SCMH1: variants seen among roughly 807,000 people sequenced by gnomAD.
SCMH1 encodes the protein polycomb protein SCMH1.
SCMH1 carries 37 observed loss-of-function variants against 70.8 expected under a neutral mutation model. The observed-to-expected ratio is 0.52, with a 90% CI of 0.40 to 0.69. The LOEUF is 0.69. SCMH1 is among the 30% of genes least tolerant of loss of function. The pLI, the probability that SCMH1 is intolerant of heterozygous loss-of-function variation, is 0.00. For synonymous variants in SCMH1, 292 were observed against 307.4 expected (o/e 0.95, Z 0.52); for missense variants, 607 against 827.3 (o/e 0.73, Z 3.27).
intron 2 of SCMH1, among the ~76,000 whole-genome samples, chr1:41,171,919 C>T (rs1344306005): frequency 1.3e-5 from 2 of 152,098 alleles, no homozygotes; most frequent in African/African-American, 2.4e-5. Context: ...TGGCTGGGCG[C>T]GGTGGCTCAC....
chr1:41,154,381 A>G (rs1275811706), intron 4 of SCMH1, among the ~76,000 whole-genome samples: 4 of 152,224 alleles, frequency 2.6e-5, no homozygotes. Context: ...TTCTACAGCT[A>G]ACTATCTTGG....
rs1457111539 is a variant in SCMH1, at chr1:41,110,656, T to C, written c.745+2627A>G. ...TTTATTGCCAATTAGTATTTTGTCC[T>C]CTAGCTATACCACATTTTATTTATC... On this transcript the variant is annotated intron_variant, in intron 8 of 14. Coordinates refer to ENST00000337495, the Ensembl canonical transcript of SCMH1. Among the ~76,000 whole-genome samples, 5 of 152,264 alleles carry C rather than the reference T, an allele frequency of 3.3e-5. No homozygotes were observed. In the East Asian group the frequency reaches 9.6e-4, roughly 29 times the overall value.
chr1:41,139,077 C>G (rs1392343998), intron 6 of SCMH1, among the ~76,000 whole-genome samples: 4 of 152,100 alleles, frequency 2.6e-5, no homozygotes, highest in African/African-American at 9.7e-5. Context: ...CCCCTGCTGT[C>G]TTTTTTTCCC....
At chr1:41,240,773 T>TA (rs1416306789) in intron 1 of SCMH1, among the ~76,000 whole-genome samples, 3 of 149,936 alleles carry the variant, frequency 2.0e-5, no homozygotes, top group African/African-American at 7.4e-5. Context: ...AAGTTCAAAA[T>TA]ACAGTACAGA....
chr1:41,162,120 G>A (rs940248618), intron 2 of SCMH1, among the ~76,000 whole-genome samples: 14 of 152,024 alleles, frequency 9.2e-5, no homozygotes, highest in Non-Finnish European at 1.5e-4. Context: ...GAGCCCTGCC[G>A]TGACGGGCAC....
intron 2 of SCMH1, among the ~76,000 whole-genome samples, chr1:41,170,685 A>G (rs76721897): frequency 0.059 from 9,025 of 152,218 alleles, 359 homozygotes; most frequent in South Asian, 0.11. Flanking sequence ...CTCCTATTAT[A>G]TCCCTCTATT....
intron 5 of SCMH1, among the ~76,000 whole-genome samples, chr1:41,144,852 T>C (rs1644409332): frequency 6.6e-6 from 1 of 152,198 alleles, no homozygotes; most frequent in African/African-American, 2.4e-5. Context: ...TAATGACTAC[T>C]GAGTATCTTT....
chr1:41,062,851 G>C (rs1201102964), intron 10 of SCMH1, among the ~76,000 whole-genome samples: 2 of 151,034 alleles, frequency 1.3e-5, no homozygotes, highest in African/African-American at 4.9e-5. Context: ...GGTGGGAGGT[G>C]GAGGTTGCAG....
intron 1 of SCMH1, among the ~76,000 whole-genome samples, chr1:41,209,168 A>C (rs2148783428): frequency 6.6e-6 from 1 of 152,374 alleles, no homozygotes; most frequent in Middle Eastern, 3.4e-3. Context: ...TAAACCAGGA[A>C]GAAGTTGAAT....
intron 1 of SCMH1, among the ~76,000 whole-genome samples, chr1:41,209,602 C>A (rs1656497145): frequency 6.6e-6 from 1 of 152,330 alleles, no homozygotes; most frequent in Non-Finnish European, 1.5e-5. Flanking sequence ...ATAAACAGAA[C>A]CATCGACAAA....
At chr1:41,033,991 C>T (rs543254781) in intron 13 of SCMH1, 19 of 1,614,004 alleles carry the variant, frequency 1.2e-5, no homozygotes, top group African/African-American at 9.3e-5. Context: ...ACCTGGGGAA[C>T]GATTTAGTTT....
chr1:41,176,285 C>T (rs1346451042), intron 2 of SCMH1, among the ~76,000 whole-genome samples: 1 of 151,886 alleles, frequency 6.6e-6, no homozygotes, highest in African/African-American at 2.4e-5. Context: ...CCAAGATGGC[C>T]GAATAGGAAC....
chr1:41,159,957 T>A, intron 4 of SCMH1: 1 of 537,648 alleles, frequency 1.9e-6, no homozygotes, highest in Non-Finnish European at 2.9e-6. Flanking sequence ...AGAATGGGAT[T>A]ATTATCCCCA....
At chr1:41,223,391 A>T (rs2148862173) in intron 1 of SCMH1, among the ~76,000 whole-genome samples, 1 of 152,312 alleles carries the variant, frequency 6.6e-6, no homozygotes, top group Non-Finnish European at 1.5e-5. Context: ...ATTCCCTGAC[A>T]ATAAATATGT....
intron 1 of SCMH1, among the ~76,000 whole-genome samples, chr1:41,238,598 T>C (rs1662861613): frequency 6.6e-6 from 1 of 152,080 alleles, no homozygotes; most frequent in South Asian, 2.1e-4. Flanking sequence ...CTTCCCCACA[T>C]CCCATCATCC....
chr1:41,227,958 C>T (rs530322108), intron 1 of SCMH1, among the ~76,000 whole-genome samples: 3 of 152,136 alleles, frequency 2.0e-5, no homozygotes, highest in South Asian at 4.2e-4. Flanking sequence ...TGCACTCCTG[C>T]CTGGTCGACA....
chr1:41,234,186 G>A (rs11581609), intron 1 of SCMH1, among the ~76,000 whole-genome samples: 9,020 of 152,208 alleles, frequency 0.059, 359 homozygotes, highest in South Asian at 0.12. Flanking sequence ...TGTAATTTCA[G>A]CACTTTGGAA....
intron 2 of SCMH1, among the ~76,000 whole-genome samples, chr1:41,164,046 C>T (rs1374601100): frequency 1.3e-5 from 2 of 152,098 alleles, no homozygotes; most frequent in Non-Finnish European, 2.9e-5. Flanking sequence ...CCATCAATCA[C>T]CTATCATGTC....
intron 10 of SCMH1, among the ~76,000 whole-genome samples, chr1:41,069,497 A>G (rs1403254045): frequency 6.6e-6 from 1 of 152,218 alleles, no homozygotes; most frequent in Admixed American, 6.5e-5. Flanking sequence ...CCTTTAAACT[A>G]TGAATGTGTA....
Sources: allele counts gnomAD v4.1 joint callset (sites outside exome capture counted in the v4.1 genomes callset), GRCh38; gene constraint gnomAD v4.1.1; transcripts MANE v1.5; gene names NCBI Gene and HGNC (gene_info 2026-07-23, HGNC 2026-07-21).